Variants in GALNTL6 observed in about 807,000 individuals in gnomAD.
The protein encoded by GALNTL6 is polypeptide N-acetylgalactosaminyltransferase-like 6.
A neutral mutation model predicts 73.7 loss-of-function variants in GALNTL6; 46 were observed. That is an observed-to-expected ratio of 0.62 (90% CI 0.49 to 0.80). The LOEUF (loss-of-function observed/expected upper bound fraction) is 0.80. Among genes scored for constraint, GALNTL6 ranks in the 30% least tolerant of loss-of-function variants. The pLI, the probability that GALNTL6 is intolerant of heterozygous loss-of-function variation, is 0.00. For missense variants in GALNTL6, 604 were observed against 755.0 expected (o/e 0.80, Z 2.34); for synonymous variants, 259 against 263.7 (o/e 0.98, Z 0.17).
intron 4 of GALNTL6, among the ~76,000 whole-genome samples, chr4:172,334,314 G>A (rs1578965604): frequency 1.3e-5 from 2 of 152,290 alleles, no homozygotes; most frequent in Admixed American, 1.3e-4. Context: ...GATAGGGATT[G>A]TGTTGAATTT....
intron 2 of GALNTL6, among the ~76,000 whole-genome samples, chr4:172,088,678 T>C (rs925660221): frequency 1.3e-5 from 2 of 152,182 alleles, no homozygotes; most frequent in Non-Finnish European, 2.9e-5. Context: ...AATATGAGTT[T>C]TCATCTTTTC....
In GALNTL6 at chr4:172,193,687, C is replaced by T. The variant is rs545589513; in HGVS notation, c.139-35969C>T. 3.3e-5 allele frequency among the ~76,000 whole-genome samples: 5 copies of T among 151,970 alleles called. 1 individual carries two copies. The highest frequency in any genetic ancestry group is 3.3e-4 in the Admixed American group (5 of 15,268). On this transcript the variant is annotated intron_variant, in intron 2 of 12. Coordinates refer to ENST00000506823, the MANE Select transcript of GALNTL6 (RefSeq NM_001034845.3). ...ACCATCCTGGCTAACATGGTGAAACCCCGTCTCTACTAAAAATACAAAAAA... is the reference window on the plus strand; with the variant it reads ...ACCATCCTGGCTAACATGGTGAAACTCCGTCTCTACTAAAAATACAAAAAA...
chr4:172,219,199 G>GTGTATATATATA (rs1310041553), intron 2 of GALNTL6, among the ~76,000 whole-genome samples: 16 of 116,206 alleles, frequency 1.4e-4, no homozygotes, highest in African/African-American at 5.0e-4. Context: ...TTAAGCAAGT[G>GTGTATATATATA]TATATATATA....
At chr4:172,098,765 G>A (rs1732427884) in intron 2 of GALNTL6, among the ~76,000 whole-genome samples, 1 of 152,174 alleles carries the variant, frequency 6.6e-6, no homozygotes, top group African/African-American at 2.4e-5. Flanking sequence ...GCACCCTGGG[G>A]AGTATTGGCA....
chr4:172,265,155 T>A (rs1406769589), intron 3 of GALNTL6, among the ~76,000 whole-genome samples: 1 of 151,976 alleles, frequency 6.6e-6, no homozygotes, highest in Non-Finnish European at 1.5e-5. Context: ...ATTTTAATAG[T>A]TGAGAAGGGG....
intron 10 of GALNTL6, among the ~76,000 whole-genome samples, chr4:172,994,174 GA>G: frequency 6.6e-6 from 1 of 152,328 alleles, no homozygotes; most frequent in African/African-American, 2.4e-5. Flanking sequence ...TGTTGTATAA[GA>G]TGGTGCCCTG....
intron 5 of GALNTL6, among the ~76,000 whole-genome samples, chr4:172,792,351 G>A (rs985762697): frequency 6.6e-6 from 1 of 151,884 alleles, no homozygotes; most frequent in East Asian, 1.9e-4. Flanking sequence ...ATACACGTGT[G>A]TACTACATAT....
At chr4:172,768,435 G>T (rs1203195819) in intron 5 of GALNTL6, among the ~76,000 whole-genome samples, 1 of 152,124 alleles carries the variant, frequency 6.6e-6, no homozygotes, top group African/African-American at 2.4e-5. Flanking sequence ...ACCATTGTGA[G>T]AACGAATTCA....
intron 2 of GALNTL6, among the ~76,000 whole-genome samples, chr4:172,018,654 G>A (rs1027542215): frequency 6.6e-6 from 1 of 151,982 alleles, no homozygotes; most frequent in African/African-American, 2.4e-5. Context: ...AAAGCAAGTG[G>A]GGCTTTTAGG....
chr4:171,994,092 G>T (rs1445552917), intron 2 of GALNTL6, among the ~76,000 whole-genome samples: 1 of 151,998 alleles, frequency 6.6e-6, no homozygotes, highest in East Asian at 1.9e-4. Context: ...GATTACAAGT[G>T]TATTGCCCCT....
At chr4:172,489,057 G>C (rs553546590) in intron 5 of GALNTL6, among the ~76,000 whole-genome samples, 1 of 152,112 alleles carries the variant, frequency 6.6e-6, no homozygotes, top group South Asian at 2.1e-4. Context: ...TTGCCAGTTC[G>C]CATTTATACT....
intron 5 of GALNTL6, among the ~76,000 whole-genome samples, chr4:172,401,618 T>G (rs1235294028): frequency 2.0e-5 from 3 of 152,118 alleles, no homozygotes; most frequent in Non-Finnish European, 4.4e-5. Context: ...AGTGTTAACT[T>G]TCATTTTCTT....
chr4:172,207,718 T>C (rs1016417742), intron 2 of GALNTL6, among the ~76,000 whole-genome samples: 3 of 152,138 alleles, frequency 2.0e-5, no homozygotes, highest in African/African-American at 7.2e-5. Flanking sequence ...TTGAATTCTC[T>C]GTCCCTCAAT....
At chr4:172,665,764 ATAAAC>A (rs960588577) in intron 5 of GALNTL6, among the ~76,000 whole-genome samples, 1 of 152,230 alleles carries the variant, frequency 6.6e-6, no homozygotes, top group Non-Finnish European at 1.5e-5. Context: ...TAATGAATAA[ATAAAC>A]TAATGTCATT....
At chr4:171,875,313 C>A (rs975495040) in intron 2 of GALNTL6, among the ~76,000 whole-genome samples, 3 of 152,194 alleles carry the variant, frequency 2.0e-5, no homozygotes, top group African/African-American at 7.2e-5. Flanking sequence ...CTGGGAGCAG[C>A]CCAGAAAGTT....
chr4:171,890,417 T>C (rs1484668566), intron 2 of GALNTL6, among the ~76,000 whole-genome samples: 2 of 152,148 alleles, frequency 1.3e-5, no homozygotes, highest in East Asian at 3.9e-4. Flanking sequence ...ATAATTTTTA[T>C]ACACCTTCAT....
intron 5 of GALNTL6, among the ~76,000 whole-genome samples, chr4:172,520,789 G>A (rs950202695): frequency 2.0e-5 from 3 of 151,846 alleles, no homozygotes; most frequent in Non-Finnish European, 1.5e-5. Context: ...GTTACATACA[G>A]ATCCATTTAC....
intron 5 of GALNTL6, among the ~76,000 whole-genome samples, chr4:172,487,263 C>CT (rs1178032560): frequency 6.4e-5 from 9 of 140,142 alleles, no homozygotes; most frequent in South Asian, 2.3e-4. Context: ...TCCTTCCTTC[C>CT]TTCCTTTCCT....
chr4:171,917,969 A>G (rs544029598), intron 2 of GALNTL6, among the ~76,000 whole-genome samples: 8 of 152,244 alleles, frequency 5.3e-5, no homozygotes, highest in Middle Eastern at 3.4e-3. Flanking sequence ...TATTTTTTGT[A>G]TCACCAAAAG....
Sources: gnomAD v4.1 joint callset for allele counts (sites outside exome capture counted in the v4.1 genomes callset) on GRCh38, gnomAD v4.1.1 for gene constraint, MANE v1.5 for transcripts, NCBI Gene and HGNC (gene_info 2026-07-23, HGNC 2026-07-21) for gene names.